The following RNF144A variants were observed in gnomAD, a reference collection of about 807,000 sequenced individuals.
The protein encoded by RNF144A is E3 ubiquitin-protein ligase RNF144A.
Under a neutral mutation model 38.7 loss-of-function variants are expected in RNF144A, and 11 were observed. That is an observed-to-expected ratio of 0.28 (90% confidence interval 0.18 to 0.47). The LOEUF (loss-of-function observed/expected upper bound fraction) is 0.47, where lower values mean the gene tolerates loss of function less well. Among genes scored for constraint, RNF144A ranks in the 20% least tolerant of loss-of-function variants. The pLI, the probability that RNF144A is intolerant of heterozygous loss-of-function variation, is 0.99. For synonymous variants in RNF144A, 149 were observed against 143.9 expected (o/e 1.04, Z -0.25); for missense variants, 316 against 377.2 (o/e 0.84, Z 1.34).
intron 7 of RNF144A, among the ~76,000 whole-genome samples, chr2:7,028,251 A>G (rs958951338): frequency 6.6e-6 from 1 of 152,234 alleles, no homozygotes; most frequent in Non-Finnish European, 1.5e-5. Flanking sequence ...GCACGATGAA[A>G]GAGGATGTGA....
At chr2:7,052,063 T>C (rs563113134) in intron 6 of RNF144A, among the ~76,000 whole-genome samples, 6 of 152,256 alleles carry the variant, frequency 3.9e-5, no homozygotes, top group Admixed American at 1.3e-4. Flanking sequence ...ACCTCCAAAA[T>C]GCCCTATTGC....
chr2:7,050,515 C>T (rs1286245413), intron 6 of RNF144A, among the ~76,000 whole-genome samples: 1 of 152,130 alleles, frequency 6.6e-6, no homozygotes, highest in Non-Finnish European at 1.5e-5. Flanking sequence ...CTCGTGGACA[C>T]ACCTGGGGCC....
At chr2:6,989,207 A>G (rs1669178928) in intron 2 of RNF144A, among the ~76,000 whole-genome samples, 1 of 152,212 alleles carries the variant, frequency 6.6e-6, no homozygotes, top group Non-Finnish European at 1.5e-5. Context: ...AAGTCTATAC[A>G]TATTTCTTTA....
intron 3 of RNF144A, among the ~76,000 whole-genome samples, chr2:7,007,719 C>T (rs1670537083): frequency 6.6e-6 from 1 of 152,178 alleles, no homozygotes; most frequent in Non-Finnish European, 1.5e-5. Context: ...CACCCTGCTA[C>T]CACACTGCCT....
chr2:7,034,527 C>T (rs557023327), intron 8 of RNF144A, among the ~76,000 whole-genome samples: 2 of 152,356 alleles, frequency 1.3e-5, no homozygotes, highest in East Asian at 1.9e-4. Flanking sequence ...CTGCCCTGTC[C>T]TTCCTCCGGG....
At chr2:7,002,352 C>A (rs1474514639) in intron 3 of RNF144A, among the ~76,000 whole-genome samples, 1 of 152,172 alleles carries the variant, frequency 6.6e-6, no homozygotes, top group African/African-American at 2.4e-5. Flanking sequence ...GCATTAGATG[C>A]AGGTGTGGGC....
chr2:6,990,439 G>T (rs1449554337), intron 2 of RNF144A, among the ~76,000 whole-genome samples: 10 of 77,072 alleles, frequency 1.3e-4, no homozygotes, highest in African/African-American at 2.5e-4. Context: ...CACACACAGA[G>T]CTATATATAT....
rs892490706 is a variant in RNF144A at position 7,037,896 on chromosome 2, T to A, written c.748-1733T>A. ...GAGAACCATGTGCTGGTGCTTGCATTTACTGGCCACACTGAACACTAGGTG... is the reference window on the plus strand; with the variant it reads ...GAGAACCATGTGCTGGTGCTTGCATATACTGGCCACACTGAACACTAGGTG... On this transcript the variant is annotated intron_variant, in intron 8 of 8. Transcript: ENST00000320892. 4.6e-5 allele frequency among the ~76,000 whole-genome samples: 7 copies of A among 152,196 alleles called. No individual in the cohort carries two copies. In the East Asian group the frequency reaches 1.2e-3, roughly 25 times the overall value.
intron 3 of RNF144A, among the ~76,000 whole-genome samples, chr2:7,004,006 T>C (rs1321497762): frequency 6.6e-6 from 1 of 152,270 alleles, no homozygotes; most frequent in Non-Finnish European, 1.5e-5. Context: ...ATGGGGAACC[T>C]TGGGCAAGTC....
At chr2:6,983,461 C>T (rs901400394) in intron 2 of RNF144A, among the ~76,000 whole-genome samples, 2 of 152,204 alleles carry the variant, frequency 1.3e-5, no homozygotes, top group Non-Finnish European at 2.9e-5. Context: ...CTCTGGCCAT[C>T]GTGTAGCACT....
chr2:7,066,709 T>A (rs1269987293), intron 6 of RNF144A, among the ~76,000 whole-genome samples: 1 of 152,126 alleles, frequency 6.6e-6, no homozygotes, highest in Non-Finnish European at 1.5e-5. Flanking sequence ...TGGAAAAAAA[T>A]TATCGCCATG....
chr2:7,049,722 G>A (rs557529104), intron 6 of RNF144A, among the ~76,000 whole-genome samples: 3 of 152,166 alleles, frequency 2.0e-5, no homozygotes, highest in Non-Finnish European at 4.4e-5. Flanking sequence ...ACTTGCAGAT[G>A]ATACTAAGCT....
chr2:7,018,404 C>T (rs969858019), intron 5 of RNF144A, among the ~76,000 whole-genome samples: 1 of 152,260 alleles, frequency 6.6e-6, no homozygotes, highest in Non-Finnish European at 1.5e-5. Context: ...TCACAGAGGG[C>T]AGGCAGAGAG....
intron 1 of RNF144A, among the ~76,000 whole-genome samples, chr2:6,923,964 T>A (rs1336180324): frequency 2.6e-5 from 4 of 152,240 alleles, no homozygotes; most frequent in South Asian, 4.1e-4. Context: ...CTGAATGGAT[T>A]TTTGTTAAGT....
At chr2:7,021,686 T>A (rs1004064593) in intron 6 of RNF144A, among the ~76,000 whole-genome samples, 2 of 152,206 alleles carry the variant, frequency 1.3e-5, no homozygotes, top group Admixed American at 6.5e-5. Context: ...CCTGGACATA[T>A]TGGATTTGAG....
At chr2:7,003,442 T>C (rs1670246655) in intron 3 of RNF144A, among the ~76,000 whole-genome samples, 1 of 152,228 alleles carries the variant, frequency 6.6e-6, no homozygotes, top group African/African-American at 2.4e-5. Context: ...CTTCTATGTT[T>C]AGAAATTTAG....
chr2:7,028,918 G>C (rs756040516), intron 7 of RNF144A, among the ~76,000 whole-genome samples: 23 of 152,166 alleles, frequency 1.5e-4, no homozygotes, highest in Non-Finnish European at 2.2e-4. Flanking sequence ...TAACAGCCAG[G>C]ATTTGATGGC....
At chr2:6,921,057 C>G (rs1170789152) in intron 1 of RNF144A, among the ~76,000 whole-genome samples, 2 of 152,190 alleles carry the variant, frequency 1.3e-5, no homozygotes, top group Non-Finnish European at 2.9e-5. Context: ...CCAAGTACAA[C>G]CATTCGTAAG....
In RNF144A at chr2:6,977,726, T is replaced by C. The variant is rs1668400111; in HGVS notation, c.-11-19190T>C. Among the ~76,000 whole-genome samples, 3 of 152,234 alleles carry C rather than the reference T, an allele frequency of 2.0e-5. 1 individual carries two copies. Among genetic ancestry groups the C allele is most frequent in the African/African-American group, 7.2e-5 (3 of 41,450 alleles). ...AATTTTTTATGGAGCACTTCCTCTA[T>C]GCTTGCACTGTTATAAATTCTTGGG... On this transcript the variant is annotated intron_variant, in intron 2 of 8. Transcript: ENST00000320892.
Sources: allele counts gnomAD v4.1 joint callset (sites outside exome capture counted in the v4.1 genomes callset), GRCh38; gene constraint gnomAD v4.1.1; transcripts MANE v1.5; gene names NCBI Gene and HGNC (gene_info 2026-07-23, HGNC 2026-07-21).